Variants in SLIT3 observed in about 807,000 individuals in gnomAD.
SLIT3 encodes slit guidance ligand 3.
SLIT3 carries 68 observed loss-of-function variants against 184.0 expected under a neutral mutation model. That is an observed-to-expected ratio of 0.37 (90% CI 0.30 to 0.45). The LOEUF is 0.45. SLIT3 is among the 20% of genes least tolerant of loss of function. SLIT3 has a pLI of 1.00. For synonymous variants in SLIT3, 831 were observed against 828.6 expected (o/e 1.00, Z -0.05); for missense variants, 1,707 against 2,026.0 (o/e 0.84, Z 3.02).
intron 4 of SLIT3, among the ~76,000 whole-genome samples, chr5:169,121,522 C>T (rs1402449518): frequency 1.3e-5 from 2 of 152,208 alleles, no homozygotes; most frequent in African/African-American, 2.4e-5. Context: ...AAGGGTTTCA[C>T]TTCCATAGTT....
chr5:168,667,312 C>T (rs10516048), intron 35 of SLIT3, among the ~76,000 whole-genome samples: 27,305 of 152,108 alleles, frequency 0.18, 2,970 homozygotes, highest in East Asian at 0.4. Context: ...GAGGTAGATG[C>T]TATAAAGAAA....
chr5:169,166,987 C>T lies in SLIT3; in HGVS notation c.413+26492G>A, dbSNP rs142908745. ...TTTGAGAAAAGCCTGAGCAAACTAA[C>T]GAGACCCCTCCATGTCTGAAAAACA... On this transcript the variant is annotated intron_variant, in intron 4 of 35. Transcript: ENST00000519560. Among the ~76,000 whole-genome samples the T allele has an allele frequency of 7.2e-5, 11 of 152,078 alleles. No individual in the cohort carries two copies. In the East Asian group the frequency reaches 1.4e-3, roughly 19 times the overall value.
intron 2 of SLIT3, among the ~76,000 whole-genome samples, chr5:169,248,334 T>G (rs1765666717): frequency 1.3e-5 from 2 of 152,104 alleles, no homozygotes; most frequent in East Asian, 3.9e-4. Context: ...CCCTTCCAGA[T>G]CTACTTCCTA....
At chr5:168,794,232 T>C (rs1489503432) in intron 10 of SLIT3, among the ~76,000 whole-genome samples, 7 of 152,130 alleles carry the variant, frequency 4.6e-5, no homozygotes, top group African/African-American at 1.7e-4. Flanking sequence ...CTCTCTTTCC[T>C]CTGTGGGAGG....
rs112866455 is a variant in SLIT3 at position 168,882,707 on chromosome 5, A to G, written c.485+558T>C. On this transcript the variant is annotated intron_variant, in intron 5 of 35. Coordinates refer to ENST00000519560, the MANE Select transcript of SLIT3 (RefSeq NM_003062.4). Reference sequence around the variant, plus strand: ...CGAATCAAAAATCATTTTAAAATAAAAAGTTTAAAAAAAAATCCTAGGCCA... The same window carrying G: ...CGAATCAAAAATCATTTTAAAATAAGAAGTTTAAAAAAAAATCCTAGGCCA... 2.6e-5 allele frequency among the ~76,000 whole-genome samples: 4 copies of G among 152,260 alleles called. 1 individual carries two copies. The highest frequency in any genetic ancestry group is 9.6e-5 in the African/African-American group (4 of 41,546).
chr5:169,270,096 C>T (rs1766546549), intron 1 of SLIT3, among the ~76,000 whole-genome samples: 1 of 152,238 alleles, frequency 6.6e-6, no homozygotes, highest in Non-Finnish European at 1.5e-5. Flanking sequence ...GCCCTCTCCT[C>T]AGCCATTGCC....
intron 3 of SLIT3, among the ~76,000 whole-genome samples, chr5:169,236,488 T>G (rs535328083): frequency 7.0e-4 from 107 of 152,058 alleles, no homozygotes; most frequent in African/African-American, 2.4e-3. Context: ...GTTTTTTTTT[T>G]TTTTGACTGA....
chr5:169,300,682 C>A lies in SLIT3; in HGVS notation c.28G>T (p.Ala10Ser). 1 of 1,385,448 alleles carries A rather than the reference C, an allele frequency of 7.2e-7. No homozygotes were observed. The highest frequency in any genetic ancestry group is 9.3e-7 in the Non-Finnish European group (1 of 1,078,392). 85.8% of individuals were successfully genotyped at this position (1,385,448 alleles called of 1,614,324 possible). A position where few individuals can be genotyped will look rare whatever the true frequency, so the allele number is the denominator to read the frequency against. ...AGCGCCAGGCGGGCGCGCACGGCGGCGCCGACCCCTGCCCACCCGGGGGCC... is the reference window on the plus strand; with the variant it reads ...AGCGCCAGGCGGGCGCGCACGGCGGAGCCGACCCCTGCCCACCCGGGGGCC... MAPGWAGVG[A>S]AVRARLALAL... The change falls in exon 1 of 36, where the codon GCC (alanine) becomes TCC (serine). Residue 10 changes from alanine (A) to serine (S), a missense_variant. Physicochemically the swap from Ala to Ser is moderately conservative, Grantham distance 99. This residue lies in a region of SLIT3 where 1,307 missense variants were observed against 1,511.6 expected (regional missense o/e 0.86). Coordinates refer to ENST00000519560, the MANE Select transcript of SLIT3 (RefSeq NM_003062.4). The surrounding 1 kb of genome is among the most constrained non-coding windows in gnomAD (Gnocchi z 4.1).
chr5:169,156,978 A>T (rs983712014), intron 4 of SLIT3, among the ~76,000 whole-genome samples: 4 of 152,146 alleles, frequency 2.6e-5, no homozygotes, highest in Admixed American at 1.3e-4. Context: ...TAGTAAACAG[A>T]AAACTTGAAG....
chr5:169,056,226 C>G (rs1664699162), intron 4 of SLIT3, among the ~76,000 whole-genome samples: 2 of 151,988 alleles, frequency 1.3e-5, no homozygotes. Context: ...GCAGTCAAAC[C>G]CTCATTTTTT....
chr5:168,700,801 C>T, intron 26 of SLIT3, 122 bp from the exon 27 acceptor site: 1 of 719,098 alleles, frequency 1.4e-6, no homozygotes, highest in South Asian at 1.7e-5. Flanking sequence ...AACAAGGAGC[C>T]CCTAGGAAAG....
chr5:169,093,749 A>G (rs999859701), intron 4 of SLIT3, among the ~76,000 whole-genome samples: 9 of 152,190 alleles, frequency 5.9e-5, no homozygotes, highest in African/African-American at 2.2e-4. Context: ...TGCTCCATTC[A>G]TTCCTCACTC....
intron 3 of SLIT3, among the ~76,000 whole-genome samples, chr5:169,220,726 G>A (rs1028635747): frequency 6.6e-6 from 1 of 152,160 alleles, no homozygotes; most frequent in Non-Finnish European, 1.5e-5. Flanking sequence ...TTCAAAAGTA[G>A]TCAATAGTAA....
Position 168,722,291 on chromosome 5 carries a change from G to A in SLIT3, c.2448C>T (p.Val816=). The change falls in exon 23 of 36, where the codon GTC becomes GTT. Residue 816 remains valine (V), a synonymous_variant. Transcript: ENST00000519560. ...GGGACCGCAGCCCGTTGAAGGCGTG[G>A]ACGGGGATGCACCTCAGCCGGTTGT... is the stretch of plus-strand genomic sequence containing the variant. ...LSYNRLRCIP[V]HAFNGLRSLR... is the part of the protein sequence containing the mutation. 6.2e-7 allele frequency: 1 copy of A among 1,614,178 alleles called. No individual in the cohort carries two copies. The highest frequency in any genetic ancestry group is 1.1e-5 in the South Asian group (1 of 91,080).
intron 4 of SLIT3, among the ~76,000 whole-genome samples, chr5:169,145,271 G>A (rs1174115407): frequency 6.6e-6 from 1 of 151,882 alleles, no homozygotes; most frequent in Non-Finnish European, 1.5e-5. Context: ...CCTGTCTCCT[G>A]GACTACAGAG....
At chr5:169,193,675 G>A (rs532409894) in intron 3 of SLIT3, 125 bp from the exon 4 acceptor site, 4 of 773,086 alleles carry the variant, frequency 5.2e-6, no homozygotes, top group East Asian at 2.5e-5. Context: ...ACGTCTTTCA[G>A]TATGGGCTGC....
At chr5:168,754,279 T>C (rs756261553) in intron 16 of SLIT3, among the ~76,000 whole-genome samples, 6 of 152,266 alleles carry the variant, frequency 3.9e-5, no homozygotes, top group East Asian at 1.9e-4. Flanking sequence ...ATGTGGTGTA[T>C]ATATGCACAA....
At chr5:168,841,402 G>A (rs576151930) in intron 6 of SLIT3, among the ~76,000 whole-genome samples, 2 of 152,228 alleles carry the variant, frequency 1.3e-5, no homozygotes, top group African/African-American at 2.4e-5. Context: ...TTCCTCCTCC[G>A]TAGTGGCATG....
At chr5:169,141,149 G>A (rs1340850145) in intron 4 of SLIT3, among the ~76,000 whole-genome samples, 1 of 151,978 alleles carries the variant, frequency 6.6e-6, no homozygotes, top group African/African-American at 2.4e-5. Context: ...CCTTTGCTTT[G>A]GGGATCCTTT....
Sources: allele counts gnomAD v4.1 joint callset (sites outside exome capture counted in the v4.1 genomes callset), GRCh38; gene constraint gnomAD v4.1.1; regional missense constraint gnomAD v4.1.1; non-coding constraint Gnocchi (gnomAD v3.1); transcripts MANE v1.5; gene names NCBI Gene and HGNC (gene_info 2026-07-23, HGNC 2026-07-21).